TUSC3: variants seen among roughly 807,000 people sequenced by gnomAD.
TUSC3 encodes the protein dolichyl-diphosphooligosaccharide--protein glycosyltransferase subunit TUSC3.
In TUSC3, 45 loss-of-function variants were observed where a neutral mutation model predicts 44.8. That is an observed-to-expected ratio of 1.00 (90% CI 0.79 to 1.29). The LOEUF (loss-of-function observed/expected upper bound fraction) is 1.29, where lower values mean the gene tolerates loss of function less well. Among genes scored for constraint, TUSC3 ranks in the 50% most tolerant of loss-of-function variants. The pLI is 0.00. For missense variants in TUSC3, 519 were observed against 437.9 expected, an observed-to-expected ratio of 1.19 and a Z score of -1.65; for synonymous variants, 212 against 152.9, an observed-to-expected ratio of 1.39 and a Z score of -2.85.
intron 1 of TUSC3, among the ~76,000 whole-genome samples, chr8:15,476,397 G>A (rs934659565): frequency 6.6e-6 from 1 of 152,000 alleles, no homozygotes; most frequent in African/African-American, 2.4e-5. Context: ...CATACTTTTG[G>A]TCTTTTTATT....
At chr8:15,726,701 G>C (rs1030673228) in intron 6 of TUSC3, among the ~76,000 whole-genome samples, 1 of 152,124 alleles carries the variant, frequency 6.6e-6, no homozygotes, top group African/African-American at 2.4e-5. Context: ...AGCTACTCTC[G>C]AGGCTGAGGC....
rs142007945 is a variant in TUSC3 at position 15,516,615 on chromosome 8, C to T, written n.189+33132C>T. Among the ~76,000 whole-genome samples, 486 of 152,204 alleles carry T rather than the reference C, an allele frequency of 3.2e-3. 2 individuals carry two copies. Among genetic ancestry groups the T allele is most frequent in the Middle Eastern group, 0.01 (3 of 294 alleles). ...GCCCCTCCTCGAAATGCTTGTTTTG[C>T]CATTCTTTACTTGAAGTGTTCTCTC... On this transcript the variant is annotated intron_variant and non_coding_transcript_variant, in intron 2 of 5. Coordinates refer to the TUSC3 transcript ENST00000503191.
chr8:15,750,471 T>G (rs1811648671), intron 9 of TUSC3, among the ~76,000 whole-genome samples: 1 of 152,112 alleles, frequency 6.6e-6, no homozygotes. Context: ...ATGTTGCACT[T>G]GACAGCCCTA....
At chr8:15,811,159 T>C in the TUSC3 span, among the ~76,000 whole-genome samples, 1 of 152,178 alleles carries the variant, frequency 6.6e-6, no homozygotes, top group Non-Finnish European at 1.5e-5. Flanking sequence ...GACCCATTCT[T>C]GGTGTTAATT....
At chr8:15,702,522 G>C (rs1809448601) in intron 6 of TUSC3, among the ~76,000 whole-genome samples, 1 of 152,032 alleles carries the variant, frequency 6.6e-6, no homozygotes, top group Non-Finnish European at 1.5e-5. Flanking sequence ...TTTGAGGTGG[G>C]TGTTCACACT....
At chr8:15,705,213 G>C (rs573513696) in intron 6 of TUSC3, among the ~76,000 whole-genome samples, 1 of 151,660 alleles carries the variant, frequency 6.6e-6, no homozygotes, top group Non-Finnish European at 1.5e-5. Flanking sequence ...ACATTGATTT[G>C]ATGATGAAAG....
chr8:15,655,886 T>C (rs1318688356), intron 3 of TUSC3, among the ~76,000 whole-genome samples: 2 of 152,142 alleles, frequency 1.3e-5, no homozygotes, highest in Non-Finnish European at 2.9e-5. Flanking sequence ...CATAAGTTGG[T>C]TAAATCTAAA....
chr8:15,800,579 A>C, the TUSC3 span, among the ~76,000 whole-genome samples: 1 of 151,968 alleles, frequency 6.6e-6, no homozygotes, highest in Non-Finnish European at 1.5e-5. Context: ...GTCTTTAAAA[A>C]AAAAAAAAAG....
chr8:15,459,028 C>A (rs1465090750), intron 1 of TUSC3, among the ~76,000 whole-genome samples: 1 of 152,170 alleles, frequency 6.6e-6, no homozygotes, highest in Non-Finnish European at 1.5e-5. Context: ...AGTTAACCCC[C>A]TTTTATGATC....
the TUSC3 span, among the ~76,000 whole-genome samples, chr8:15,838,981 T>C: frequency 6.6e-6 from 1 of 152,192 alleles, no homozygotes; most frequent in African/African-American, 2.4e-5. Context: ...TGATTCTTCC[T>C]ACCCATGAAC....
At chr8:15,639,697 C>T (rs1331341726) in intron 2 of TUSC3, among the ~76,000 whole-genome samples, 1 of 150,548 alleles carries the variant, frequency 6.6e-6, no homozygotes, top group East Asian at 1.9e-4. Context: ...TTATGTTAGT[C>T]ATTTAACATA....
intron 1 of TUSC3, among the ~76,000 whole-genome samples, chr8:15,467,773 G>C (rs1191153177): frequency 1.3e-5 from 2 of 152,006 alleles, no homozygotes; most frequent in Admixed American, 6.6e-5. Context: ...TTTGTTCTCT[G>C]TCTTTCTTTT....
At chr8:15,711,012 T>C (rs1429621747) in intron 6 of TUSC3, among the ~76,000 whole-genome samples, 1 of 151,368 alleles carries the variant, frequency 6.6e-6, no homozygotes, top group Non-Finnish European at 1.5e-5. Flanking sequence ...GTTTCCTGAG[T>C]CTTATGTATA....
At chr8:15,442,948 G>T (rs1225689222) in intron 1 of TUSC3, among the ~76,000 whole-genome samples, 1 of 151,988 alleles carries the variant, frequency 6.6e-6, no homozygotes, top group African/African-American at 2.4e-5. Flanking sequence ...TCTGCCTTTA[G>T]TTGGTTAAGC....
intron 2 of TUSC3, among the ~76,000 whole-genome samples, chr8:15,515,651 A>AAT (rs1028240865): frequency 9.9e-5 from 15 of 151,662 alleles, no homozygotes; most frequent in Non-Finnish European, 1.6e-4. Flanking sequence ...TATGATACAA[A>AAT]ATATATATAT....
intron 1 of TUSC3, among the ~76,000 whole-genome samples, chr8:15,581,484 A>G (rs1585122135): frequency 1.4e-5 from 2 of 147,820 alleles, no homozygotes; most frequent in East Asian, 2.0e-4. Flanking sequence ...GGTGATGTAC[A>G]GATGGGTTTT....
chr8:15,492,441 G>A (rs909194946), intron 2 of TUSC3, among the ~76,000 whole-genome samples: 2 of 152,182 alleles, frequency 1.3e-5, no homozygotes, highest in Non-Finnish European at 2.9e-5. Context: ...ATTAAAGTCA[G>A]TAGGGGGAAA....
intron 1 of TUSC3, among the ~76,000 whole-genome samples, chr8:15,620,996 TGTGA>T (rs35211100): frequency 0.19 from 29,500 of 151,756 alleles, 3,684 homozygotes; most frequent in Non-Finnish European, 0.28. Context: ...TGTGTCTGTG[TGTGA>T]GTGTGTGTTG....
At chr8:15,543,372 G>A (rs1801753253) in intron 1 of TUSC3, among the ~76,000 whole-genome samples, 1 of 152,150 alleles carries the variant, frequency 6.6e-6, no homozygotes, top group Admixed American at 6.5e-5. Context: ...TGATTTAAAG[G>A]AAGTAATATT....
Sources: gnomAD v4.1 joint callset for allele counts (sites outside exome capture counted in the v4.1 genomes callset) on GRCh38, gnomAD v4.1.1 for gene constraint, MANE v1.5 for transcripts, NCBI Gene and HGNC (gene_info 2026-07-23, HGNC 2026-07-21) for gene names.